The following FGF14 variants were observed in gnomAD, a reference collection of about 807,000 sequenced individuals.
FGF14 encodes the protein fibroblast growth factor 14.
In FGF14, 5 loss-of-function variants were observed where a neutral mutation model predicts 25.5. The observed-to-expected ratio is 0.20, with a 90% CI of 0.10 to 0.41. The LOEUF (loss-of-function observed/expected upper bound fraction) is 0.41. FGF14 is among the 10% of genes least tolerant of loss of function. The pLI is 1.00. For synonymous variants in FGF14, 138 were observed against 118.3 expected (o/e 1.17, Z -1.08); for missense variants, 222 against 320.1 (o/e 0.69, Z 2.34).
intron 1 of FGF14, chr13:102,292,973 C>T (rs2054507215): frequency 6.6e-6 from 1 of 152,252 alleles, no homozygotes; most frequent in Admixed American, 6.5e-5. Context: ...CACATCTGCG[C>T]AACTCCACCA....
In FGF14 at chr13:102,323,233, G is replaced by C. The variant is rs138816541; in HGVS notation, c.208+78238C>G. ...GAAAAATTGTTCCATGTCAGTTTGA[G>C]ACCTTTTAAGCTGCATTAGTCACAG... On this transcript the variant is annotated intron_variant, in intron 1 of 4. Transcript: ENST00000376131. Among the ~76,000 whole-genome samples, 242 of 152,232 alleles carry C rather than the reference G, an allele frequency of 1.6e-3. 1 individual carries two copies. Among genetic ancestry groups the C allele is most frequent in the African/African-American group, 5.5e-3 (227 of 41,550 alleles).
chr13:102,287,424 A>T (rs926871712), intron 1 of FGF14, among the ~76,000 whole-genome samples: 2 of 152,226 alleles, frequency 1.3e-5, no homozygotes, highest in African/African-American at 4.8e-5. Context: ...AACTACTTAA[A>T]AGGTAGACAT....
intron 1 of FGF14, among the ~76,000 whole-genome samples, chr13:102,006,692 C>T (rs9557781): frequency 0.43 from 62,451 of 145,574 alleles, 14,244 homozygotes; most frequent in East Asian, 0.7. Context: ...TTGAAAAATA[C>T]CAAGGACTGA....
intron 1 of FGF14, among the ~76,000 whole-genome samples, chr13:102,252,528 T>A (rs2052231060): frequency 6.6e-6 from 1 of 152,170 alleles, no homozygotes; most frequent in South Asian, 2.1e-4. Context: ...TATTTGCATA[T>A]AACCTTGGCA....
chr13:102,207,117 T>C (rs1032216911), intron 1 of FGF14, among the ~76,000 whole-genome samples: 2 of 151,480 alleles, frequency 1.3e-5, no homozygotes, highest in South Asian at 4.2e-4. Context: ...CCATCTCTAC[T>C]AAAAATACAA....
intron 1 of FGF14, among the ~76,000 whole-genome samples, chr13:102,259,604 T>TC (rs1223900085): frequency 6.6e-6 from 1 of 151,868 alleles, no homozygotes; most frequent in Non-Finnish European, 1.5e-5. Flanking sequence ...GTGGGAGCCC[T>TC]CCCCCCCATC....
chr13:101,900,272 G>C (rs1042763632), intron 1 of FGF14, among the ~76,000 whole-genome samples: 5 of 151,924 alleles, frequency 3.3e-5, no homozygotes, highest in Non-Finnish European at 7.4e-5. Context: ...ATTTATACTT[G>C]CACAAAGTTA....
At chr13:102,018,385 T>C (rs1349698232) in intron 1 of FGF14, among the ~76,000 whole-genome samples, 1 of 152,120 alleles carries the variant, frequency 6.6e-6, no homozygotes, top group Non-Finnish European at 1.5e-5. Flanking sequence ...GGAGGTAGCT[T>C]TACCTTTCCT....
chr13:102,340,152 CA>C (rs2056906317), intron 1 of FGF14, among the ~76,000 whole-genome samples: 1 of 152,206 alleles, frequency 6.6e-6, no homozygotes, highest in Non-Finnish European at 1.5e-5. Flanking sequence ...AAATTCAGCT[CA>C]TTTACAATTC....
chr13:102,333,603 T>C (rs1033007404), intron 1 of FGF14, among the ~76,000 whole-genome samples: 3 of 152,116 alleles, frequency 2.0e-5, no homozygotes, highest in African/African-American at 7.2e-5. Flanking sequence ...ATGGTTCTTG[T>C]TTATGATTTC....
intron 1 of FGF14, among the ~76,000 whole-genome samples, chr13:102,206,608 G>C (rs1405078688): frequency 6.6e-6 from 1 of 152,118 alleles, no homozygotes; most frequent in Non-Finnish European, 1.5e-5. Flanking sequence ...TTGAATCCAG[G>C]AGGTGGAGGT....
chr13:102,350,673 C>T (rs531325973), intron 1 of FGF14, among the ~76,000 whole-genome samples: 89 of 152,182 alleles, frequency 5.8e-4, no homozygotes, highest in Admixed American at 3.3e-3. Context: ...AAGGGGATGA[C>T]CAGTCAGCCG....
At chr13:102,278,438 G>A (rs1431869406) in intron 1 of FGF14, among the ~76,000 whole-genome samples, 2 of 152,138 alleles carry the variant, frequency 1.3e-5, no homozygotes, top group African/African-American at 4.8e-5. Context: ...CCTGAAGTTG[G>A]TCTTTTATAA....
intron 1 of FGF14, among the ~76,000 whole-genome samples, chr13:102,054,569 G>A (rs1257711524): frequency 6.6e-6 from 1 of 152,138 alleles, no homozygotes; most frequent in Non-Finnish European, 1.5e-5. Flanking sequence ...TTTAATTACA[G>A]AGTCAGGTGT....
chr13:102,189,025 GAAAAGAAAGAAA>G, intron 1 of FGF14, among the ~76,000 whole-genome samples: 1 of 68,856 alleles, frequency 1.5e-5, no homozygotes, highest in East Asian at 3.3e-4. Context: ...AATGAAAGAA[GAAAAGAAAGAAA>G]GAAAGAGAAA....
At chr13:101,825,857 T>C (rs1437507920) in intron 3 of FGF14, among the ~76,000 whole-genome samples, 2 of 152,076 alleles carry the variant, frequency 1.3e-5, no homozygotes, top group African/African-American at 4.8e-5. Flanking sequence ...CCCATGAGGA[T>C]TGTAAGGGGG....
intron 1 of FGF14, among the ~76,000 whole-genome samples, chr13:102,225,940 T>C (rs2050807672): frequency 6.6e-6 from 1 of 152,210 alleles, no homozygotes; most frequent in South Asian, 2.1e-4. Context: ...GCCGCATATT[T>C]ATTCATTGTT....
At position 102,306,511 on chromosome 13, in the gene FGF14, A is replaced by C. The variant is rs965553770; in HGVS notation, c.208+94960T>G. 2.6e-5 allele frequency among the ~76,000 whole-genome samples: 4 copies of C among 152,274 alleles called. 1 individual carries two copies. On this transcript the variant is annotated intron_variant, in intron 1 of 4. Transcript: ENST00000376131. ...ACAGAAAAAGGATGTCATGAAAATCATGACCTTGGAGTTTGGTCTTTAGGC... is the reference window on the plus strand; with the variant it reads ...ACAGAAAAAGGATGTCATGAAAATCCTGACCTTGGAGTTTGGTCTTTAGGC...
chr13:102,191,207 A>G (rs2049108826), intron 1 of FGF14, among the ~76,000 whole-genome samples: 1 of 152,208 alleles, frequency 6.6e-6, no homozygotes, highest in South Asian at 2.1e-4. Flanking sequence ...AATATCAGCT[A>G]CCTGAGGCAT....
Sources: allele counts gnomAD v4.1 joint callset (sites outside exome capture counted in the v4.1 genomes callset), GRCh38; gene constraint gnomAD v4.1.1; transcripts MANE v1.5; gene names NCBI Gene and HGNC (gene_info 2026-07-23, HGNC 2026-07-21).